Variants in TRPM3 observed in about 807,000 individuals in gnomAD.
TRPM3 encodes the protein transient receptor potential cation channel subfamily M member 3.
TRPM3 carries 77 observed loss-of-function variants against 181.2 expected under a neutral mutation model. The ratio of observed to expected loss-of-function variants is 0.42; its 90% CI spans 0.35 to 0.51. TRPM3 has a LOEUF of 0.51. Ranked by LOEUF, TRPM3 falls within the 20% of genes least tolerant of loss-of-function variation. TRPM3 has a pLI of 0.01. For missense variants in TRPM3, 1,759 were observed against 2,196.7 expected (o/e 0.80, Z 3.98); for synonymous variants, 745 against 796.4 (o/e 0.94, Z 1.09).
At chr9:70,874,727 G>A (rs1564661163) in intron 1 of TRPM3, among the ~76,000 whole-genome samples, 1 of 151,814 alleles carries the variant, frequency 6.6e-6, no homozygotes, top group Non-Finnish European at 1.5e-5. Flanking sequence ...AGATTCACCA[G>A]CTGAATTTTG....
chr9:70,963,961 T>C (rs2097162087), intron 1 of TRPM3, among the ~76,000 whole-genome samples: 1 of 152,160 alleles, frequency 6.6e-6, no homozygotes, highest in African/African-American at 2.4e-5. Context: ...AAAATGTGTT[T>C]TCTCTGGTGG....
intron 1 of TRPM3, among the ~76,000 whole-genome samples, chr9:71,152,557 G>C (rs959425890): frequency 6.6e-6 from 1 of 152,044 alleles, no homozygotes; most frequent in Non-Finnish European, 1.5e-5. Flanking sequence ...TTTAATTTAT[G>C]AATTTCAACT....
At chr9:70,900,388 C>T (rs2096367879) in intron 1 of TRPM3, among the ~76,000 whole-genome samples, 1 of 151,440 alleles carries the variant, frequency 6.6e-6, no homozygotes, top group African/African-American at 2.4e-5. Context: ...AAACTTATTA[C>T]AGAGATTAAG....
rs146148545 is a variant in TRPM3, at chr9:70,885,389, T to A, written c.178-20878A>T. ...TGCCAAATGTCCCTTGAGGGCAAAT[T>A]TTTTTCCCTGGTTGAAAACCATTGT... is the stretch of plus-strand genomic sequence containing the variant. On this transcript the variant is annotated intron_variant, in intron 1 of 25. Coordinates refer to ENST00000677713, the MANE Select transcript of TRPM3 (RefSeq NM_001366145.2). 1.0e-3 allele frequency among the ~76,000 whole-genome samples: 152 copies of A among 152,230 alleles called. 2 individuals are homozygous for A. In the East Asian group the frequency reaches 0.023, roughly 23 times the overall value.
intron 1 of TRPM3, among the ~76,000 whole-genome samples, chr9:71,387,845 C>T (rs935633265): frequency 1.3e-5 from 2 of 152,086 alleles, no homozygotes; most frequent in Non-Finnish European, 2.9e-5. Flanking sequence ...TTCATCAAGA[C>T]ATGTACAGAC....
chr9:71,420,649 GAGAA>G (rs1565556468), intron 1 of TRPM3, among the ~76,000 whole-genome samples: 2 of 125,760 alleles, frequency 1.6e-5, no homozygotes, highest in African/African-American at 2.7e-5. Flanking sequence ...GAGAGAGAAA[GAGAA>G]AGAAAAAGAG....
chr9:70,620,340 C>T lies in TRPM3; in HGVS notation c.1865G>A (p.Arg622Lys). The change falls in exon 16 of 26, where the codon AGA (arginine) becomes AAA (lysine). Residue 622 changes from arginine (R) to lysine (K), a missense_variant. Arg to Lys is a conservative substitution (Grantham distance 26). Coordinates refer to ENST00000677713, the MANE Select transcript of TRPM3 (RefSeq NM_001366145.2). Reference sequence around the variant, plus strand: ...TTCTTCACGTTTCTTGGTTGTCTTTCTTCCTCGCCTCAAGGGAATATCATC... The same window carrying T: ...TTCTTCACGTTTCTTGGTTGTCTTTTTTCCTCGCCTCAAGGGAATATCATC... Reference protein sequence around the residue: ...MEDDIPLRRGRKTTKKREEEV... With the variant: ...MEDDIPLRRGKKTTKKREEEV... 1 of 1,613,298 alleles carries T rather than the reference C, an allele frequency of 6.2e-7. No individual in the cohort carries two copies. The highest frequency in any genetic ancestry group is 1.1e-5 in the South Asian group (1 of 91,022).
At chr9:71,283,357 T>C (rs750605561) in intron 1 of TRPM3, among the ~76,000 whole-genome samples, 4 of 152,108 alleles carry the variant, frequency 2.6e-5, no homozygotes, top group Non-Finnish European at 5.9e-5. Context: ...GCTGCAGTGG[T>C]GTGATCTTGG....
At chr9:70,873,214 A>G (rs533794225) in intron 1 of TRPM3, among the ~76,000 whole-genome samples, 8 of 151,974 alleles carry the variant, frequency 5.3e-5, no homozygotes, top group Non-Finnish European at 1.0e-4. Context: ...TTTTATTCCA[A>G]TGCTTGGAAA....
intron 1 of TRPM3, among the ~76,000 whole-genome samples, chr9:71,239,164 T>C (rs1325767039): frequency 1.3e-5 from 2 of 152,166 alleles, no homozygotes; most frequent in African/African-American, 4.8e-5. Flanking sequence ...CAGTGAAATT[T>C]AGCAACATTA....
intron 6 of TRPM3, among the ~76,000 whole-genome samples, chr9:70,797,877 C>A (rs898572038): frequency 6.6e-6 from 1 of 152,152 alleles, no homozygotes; most frequent in Non-Finnish European, 1.5e-5. Context: ...TGAAGACTCA[C>A]CGTGGGATTC....
intron 1 of TRPM3, among the ~76,000 whole-genome samples, chr9:71,279,195 C>G (rs1243834831): frequency 6.6e-6 from 1 of 152,034 alleles, no homozygotes; most frequent in Non-Finnish European, 1.5e-5. Flanking sequence ...TTCCTTTGGC[C>G]CAGCTACTGA....
At chr9:71,369,273 GAAAATACTAATT>G (rs1460368799) in intron 1 of TRPM3, among the ~76,000 whole-genome samples, 1 of 152,040 alleles carries the variant, frequency 6.6e-6, no homozygotes, top group Non-Finnish European at 1.5e-5. Flanking sequence ...AAAAAAGAGG[GAAAATACTAATT>G]GGAATACTAG....
chr9:70,595,740 T>G (rs894307950), intron 21 of TRPM3, among the ~76,000 whole-genome samples: 7 of 152,178 alleles, frequency 4.6e-5, no homozygotes, highest in African/African-American at 1.7e-4. Flanking sequence ...AAATCTAGAC[T>G]CTCTGCTTTT....
intron 1 of TRPM3, among the ~76,000 whole-genome samples, chr9:71,043,019 ATTTGG>A (rs2059008512): frequency 6.6e-6 from 1 of 152,226 alleles, no homozygotes; most frequent in Non-Finnish European, 1.5e-5. Flanking sequence ...GCATGACTGC[ATTTGG>A]AGGAAAGCAG....
intron 1 of TRPM3, among the ~76,000 whole-genome samples, chr9:71,062,745 T>C (rs981423846): frequency 1.1e-4 from 16 of 151,460 alleles, no homozygotes; most frequent in African/African-American, 3.2e-4. Flanking sequence ...ATCATGGGAG[T>C]GGATTAGTTA....
chr9:71,217,252 G>GT (rs2079947530), intron 1 of TRPM3, among the ~76,000 whole-genome samples: 1 of 152,156 alleles, frequency 6.6e-6, no homozygotes, highest in South Asian at 2.1e-4. Context: ...GCCCGGCCCA[G>GT]TGGCCCTTTC....
chr9:71,440,360 T>C (rs1278613271), intron 1 of TRPM3, among the ~76,000 whole-genome samples: 1 of 152,146 alleles, frequency 6.6e-6, no homozygotes, highest in Non-Finnish European at 1.5e-5. Context: ...TTGCTGTCAT[T>C]GTTGTTATTT....
intron 1 of TRPM3, among the ~76,000 whole-genome samples, chr9:71,419,007 G>A (rs1165281476): frequency 1.3e-5 from 2 of 150,446 alleles, no homozygotes; most frequent in Non-Finnish European, 3.0e-5. Context: ...TTTCATTACT[G>A]TGCCATGAAC....
Sources: gnomAD v4.1 joint callset for allele counts (sites outside exome capture counted in the v4.1 genomes callset) on GRCh38, gnomAD v4.1.1 for gene constraint, MANE v1.5 for transcripts, NCBI Gene and HGNC (gene_info 2026-07-23, HGNC 2026-07-21) for gene names.